Variants in ZNF317 observed in about 807,000 individuals in gnomAD.
ZNF317 encodes the protein KRAB-containing zinc finger protein 317.
ZNF317 carries 17 observed loss-of-function variants against 23.4 expected under a neutral mutation model. That is an observed-to-expected ratio of 0.73 (90% CI 0.50 to 1.09). The LOEUF (loss-of-function observed/expected upper bound fraction) is 1.09, where lower values mean the gene tolerates loss of function less well. Ranked by LOEUF, ZNF317 falls within the 50% of genes least tolerant of loss-of-function variation. ZNF317 has a pLI of 0.00. For synonymous variants in ZNF317, 317 were observed against 314.9 expected, an observed-to-expected ratio of 1.01 and a Z score of -0.07; for missense variants, 679 against 796.7, an observed-to-expected ratio of 0.85 and a Z score of 1.78.
Position 9,162,595 on chromosome 19 carries a change from T to C in ZNF317, c.*1162T>C, listed in dbSNP as rs2145966808. On this transcript the variant is annotated 3_prime_UTR_variant, in exon 7 of 7. Transcript: ENST00000247956. ...CCCGAGAGAAGCCCCAACGAGATTT[T>C]CCGGTGAATACGGGACTGCACGTAC... The C allele has an allele frequency of 6.6e-6, 1 of 151,604 alleles. No homozygotes were observed. Among genetic ancestry groups the C allele is most frequent in the Admixed American group, 6.6e-5 (1 of 15,208 alleles). The allele number at this position is 151,604 out of a possible 1,614,324, so 9.4% of individuals were successfully genotyped here. A position where few individuals can be genotyped will look rare whatever the true frequency, so the allele number is the denominator to read the frequency against.
At chr19:9,155,566 G>A (rs1413900394) in intron 1 of ZNF317, among the ~76,000 whole-genome samples, 1 of 152,148 alleles carries the variant, frequency 6.6e-6, no homozygotes, top group Non-Finnish European at 1.5e-5. Flanking sequence ...GTTGATCCTG[G>A]GTGGACCATC....
intron 1 of ZNF317, 122 bp downstream of exon 1, chr19:9,140,714 G>A: frequency 2.7e-6 from 1 of 375,150 alleles, no homozygotes; most frequent in Non-Finnish European, 5.2e-6. Context: ...ATCCAGACGA[G>A]GGGTGCGTTT....
intron 1 of ZNF317, among the ~76,000 whole-genome samples, chr19:9,143,925 T>TTC (rs1428092943): frequency 7.0e-6 from 1 of 143,726 alleles, no homozygotes; most frequent in East Asian, 2.0e-4. Flanking sequence ...CCAGCTTTCT[T>TTC]TTTTTTTTTT....
rs775359679 is a variant in ZNF317, at chr19:9,160,657, G to A, written c.1012G>A (p.Asp338Asn). ...HTGERPYECH[D>N]CGKAFQHPSH... ...CGGAGAGAGGCCCTACGAGTGTCAC[G>A]ACTGTGGGAAAGCTTTCCAGCACCC... is the stretch of plus-strand genomic sequence containing the variant. The change falls in exon 7 of 7, where the codon GAC becomes AAC. Residue 338 changes from aspartate (D) to asparagine (N), a missense_variant. Coordinates refer to ENST00000247956, the MANE Select transcript of ZNF317 (RefSeq NM_020933.5). This position sits in a 1 kb window ranked among gnomAD's most constrained non-coding sequence, Gnocchi z 6.8. The A allele has an allele frequency of 1.9e-6, 3 of 1,614,010 alleles. No individual in the cohort carries two copies. The highest frequency in any genetic ancestry group is 2.2e-5 in the South Asian group (2 of 91,064).
At position 9,160,897 on chromosome 19, in the gene ZNF317, G is replaced by A. The variant is rs781139661; in HGVS notation, c.1252G>A (p.Val418Met). 1.7e-5 allele frequency: 28 copies of A among 1,613,854 alleles called. No individual in the cohort carries two copies. The highest frequency in any genetic ancestry group is 2.2e-5 in the East Asian group (1 of 44,856). ...GAGGATTCACATCGTCAAGAAACCC[G>A]TGGAATGTCGGCAGTGCGGGAAGAC... ...HMRIHIVKKPVECRQCGKTFR... is the reference protein window; with the variant it reads ...HMRIHIVKKPMECRQCGKTFR... Residue 418 changes from valine (V) to methionine (M), a missense_variant, in exon 7 of 7, where the codon GTG becomes ATG. By Grantham distance (21) the Val-to-Met change is conservative (BLOSUM62 1). Transcript: ENST00000247956. The surrounding 1 kb of genome is among the most constrained non-coding windows in gnomAD (Gnocchi z 6.8).
At position 9,140,451 on chromosome 19, in the gene ZNF317, A is replaced by G. The variant is rs1188587994; in HGVS notation, c.-234A>G. On this transcript the variant is annotated 5_prime_UTR_variant, in exon 1 of 7. Transcript: ENST00000247956. ...TCGATTGCCCCGAGACACATGGGCC[A>G]AGGAGGGGTCAGCGGCGAATTCTTT... is the stretch of plus-strand genomic sequence containing the variant. 4.4e-6 allele frequency: 2 copies of G among 455,344 alleles called. No individual in the cohort carries two copies. Among genetic ancestry groups the G allele is most frequent in the Non-Finnish European group, 8.8e-6 (2 of 226,416 alleles). The allele number at this position is 455,344 out of a possible 1,614,324, so 28.2% of individuals were successfully genotyped here. A position where few individuals can be genotyped will look rare whatever the true frequency, so the allele number is the denominator to read the frequency against.
intron 1 of ZNF317, among the ~76,000 whole-genome samples, chr19:9,153,220 G>A (rs2050751737): frequency 6.6e-6 from 1 of 152,066 alleles, no homozygotes; most frequent in Non-Finnish European, 1.5e-5. Context: ...AGAGTGTGAT[G>A]GCACGATCTC....
chr19:9,142,507 G>A (rs1222813857), intron 1 of ZNF317, among the ~76,000 whole-genome samples: 8 of 144,378 alleles, frequency 5.5e-5, no homozygotes, highest in Non-Finnish European at 1.1e-4. Context: ...TCCTACTTGA[G>A]TTTTTCTTGT....
chr19:9,157,875 G>A, intron 4 of ZNF317, 105 bp from the exon 5 acceptor site: 1 of 1,421,510 alleles, frequency 7.0e-7, no homozygotes, highest in Non-Finnish European at 9.2e-7. Flanking sequence ...AGTCAGACTT[G>A]TCCACCCTCA....
rs1869911910 is a variant in ZNF317 at position 9,140,572 on chromosome 19, C to T, written c.-113C>T. ...CGGCGGCTTCCGTCACCTCCGCTCCCCCGATCCTATTCCCAGTCGTGTAAG... is the reference window on the plus strand; with the variant it reads ...CGGCGGCTTCCGTCACCTCCGCTCCTCCGATCCTATTCCCAGTCGTGTAAG... On this transcript the variant is annotated 5_prime_UTR_variant, in exon 1 of 7. Coordinates refer to ENST00000247956, the MANE Select transcript of ZNF317 (RefSeq NM_020933.5). The T allele has an allele frequency of 2.2e-6, 1 of 456,422 alleles. No individual in the cohort carries two copies. The highest frequency in any genetic ancestry group is 1.5e-5 in the South Asian group (1 of 64,562). 28.3% of individuals were successfully genotyped at this position (456,422 alleles called of 1,614,324 possible).
At chr19:9,158,363 C>CTTTTTTTTT (rs200591339) in intron 5 of ZNF317, among the ~76,000 whole-genome samples, 1,879 of 76,492 alleles carry the variant, frequency 0.025, 357 homozygotes, top group African/African-American at 0.029. Flanking sequence ...TTTCTTTTTT[C>CTTTTTTTTT]TTTTTTTTTT....
intron 1 of ZNF317, among the ~76,000 whole-genome samples, chr19:9,141,888 C>A (rs1464129073): frequency 6.6e-6 from 1 of 152,154 alleles, no homozygotes; most frequent in Admixed American, 6.5e-5. Flanking sequence ...TCACTGCAAC[C>A]TCTGTCTCCC....
chr19:9,157,176 GTC>G, intron 3 of ZNF317, 90 bp from the exon 4 acceptor site: 2 of 1,504,094 alleles, frequency 1.3e-6, no homozygotes, highest in Non-Finnish European at 1.8e-6. Context: ...CCTGTGTTGG[GTC>G]TCTCATGCCC....
In ZNF317 at chr19:9,161,722, G is replaced by C. The variant is rs1032332052; in HGVS notation, c.*289G>C. On this transcript the variant is annotated 3_prime_UTR_variant, in exon 7 of 7. Transcript: ENST00000247956. This position sits in a 1 kb window ranked among gnomAD's most constrained non-coding sequence, Gnocchi z 4.0. ...ACTTAATGGCAGCTTGGCATTTAAT[G>C]TCAAAATCCAAGCCGTGGCATTTAA... The C allele has an allele frequency of 8.3e-6, 3 of 362,072 alleles. No individual in the cohort carries two copies. Among genetic ancestry groups the C allele is most frequent in the Non-Finnish European group, 5.0e-6 (1 of 199,352 alleles). The allele number at this position is 362,072 out of a possible 1,614,324, so 22.4% of individuals were successfully genotyped here. A position where few individuals can be genotyped will look rare whatever the true frequency, so the allele number is the denominator to read the frequency against.
chr19:9,148,828 C>T (rs1225597101), intron 1 of ZNF317, among the ~76,000 whole-genome samples: 1 of 152,152 alleles, frequency 6.6e-6, no homozygotes, highest in African/African-American at 2.4e-5. Flanking sequence ...TGTGTCCTGT[C>T]CTACATTTCC....
In ZNF317 at chr19:9,143,300, T is replaced by G. The variant is rs1000595559; in HGVS notation, c.-93+2708T>G. Among the ~76,000 whole-genome samples, 5 of 152,122 alleles carry G rather than the reference T, an allele frequency of 3.3e-5. No homozygotes were observed. The South Asian group carries it at 1.0e-3, about 31-fold the overall frequency. On this transcript the variant is annotated intron_variant, in intron 1 of 6. Transcript: ENST00000247956. ...ATCAGAATGTTGTCAGTTTTCTTCT[T>G]AAAGAACTTCTGGCTTGATTGAACC...
chr19:9,158,363 C>CTTTTCTTTTTTTTT (rs2050809169), intron 5 of ZNF317, among the ~76,000 whole-genome samples: 1 of 76,496 alleles, frequency 1.3e-5, no homozygotes, highest in African/African-American at 6.4e-5. Flanking sequence ...TTTCTTTTTT[C>CTTTTCTTTTTTTTT]TTTTTTTTTT....
At position 9,156,675 on chromosome 19, in the gene ZNF317, A is replaced by G. The variant is rs772580037; in HGVS notation, c.89A>G (p.His30Arg). 1 of 1,614,108 alleles carries G rather than the reference A, an allele frequency of 6.2e-7. No individual in the cohort carries two copies. The highest frequency in any genetic ancestry group is 1.1e-5 in the South Asian group (1 of 91,084). Residue 30 changes from histidine to arginine, a missense_variant, in exon 3 of 7, where the codon CAT (histidine) becomes CGT (arginine). Physicochemically the swap from His to Arg is conservative, Grantham distance 29 (BLOSUM62 0). Transcript: ENST00000247956. Reference sequence around the variant, plus strand: ...GAATTTCCTGTTTCTTCAAAAGACCATTCCTGTCCCCAGAATTTGGACCTG... The same window carrying G: ...GAATTTCCTGTTTCTTCAAAAGACCGTTCCTGTCCCCAGAATTTGGACCTG... ...DSEFPVSSKD[H>R]SCPQNLDLFV... is the part of the protein sequence containing the mutation.
intron 1 of ZNF317, among the ~76,000 whole-genome samples, chr19:9,146,008 G>A (rs924906099): frequency 1.3e-5 from 2 of 150,420 alleles, no homozygotes; most frequent in African/African-American, 4.9e-5. Flanking sequence ...ATTATTATTG[G>A]CTGTGTATAA....
Sources: allele counts gnomAD v4.1 joint callset (sites outside exome capture counted in the v4.1 genomes callset), GRCh38; gene constraint gnomAD v4.1.1; non-coding constraint Gnocchi (gnomAD v3.1); transcripts MANE v1.5; gene names NCBI Gene and HGNC (gene_info 2026-07-23, HGNC 2026-07-21).